Variants in ASB11 observed in about 807,000 individuals in gnomAD.
The protein encoded by ASB11 is ankyrin repeat and SOCS box protein 11.
A neutral mutation model predicts 20.1 loss-of-function variants in ASB11; 17 were observed. The ratio of observed to expected loss-of-function variants is 0.85; its 90% confidence interval spans 0.58 to 1.27. The LOEUF (loss-of-function observed/expected upper bound fraction) is 1.27, where lower values mean the gene tolerates loss of function less well. ASB11 is among the 50% of genes most tolerant of loss of function. The pLI is 0.00. For synonymous variants in ASB11, 107 were observed against 105.6 expected (o/e 1.01, Z -0.08); for missense variants, 259 against 256.9 (o/e 1.01, Z -0.06).
At chrX:15,298,168 TG>T (rs1920986108) in intron 2 of ASB11, among the ~76,000 whole-genome samples, 1 of 111,978 alleles carries the variant, frequency 8.9e-6, no homozygotes, top group South Asian at 3.8e-4. Flanking sequence ...AAAATTAGTT[TG>T]GGAGCATAGG....
intron 3 of ASB11, 59 bp downstream of exon 3, chrX:15,297,515 T>C (rs1418061888): frequency 1.0e-6 from 1 of 963,404 alleles, no homozygotes; most frequent in East Asian, 3.3e-5. Context: ...TAAACTATCA[T>C]TAAACATTAA....
At position 15,313,476 on chromosome X, in the gene ASB11, TAC is replaced by T. The variant is rs747685831; in HGVS notation, c.181+1947_181+1948del. ...GGGTGGGGGGATTCGTGTATATGTA[TAC>T]ACACACACACACACATATACATATA... On this transcript the variant is annotated intron_variant, in intron 1 of 6. Transcript: ENST00000480796. Among the ~76,000 whole-genome samples the T allele has an allele frequency of 5.6e-5, 6 of 106,920 alleles. No homozygotes were observed. In the South Asian group the frequency reaches 1.7e-3, roughly 30 times the overall value. The allele number at this position is 106,920 out of a possible 115,157, so 92.8% of individuals were successfully genotyped here.
At position 15,302,643 on chromosome X, in the gene ASB11, C is replaced by T. The variant is rs368172465; in HGVS notation, c.261+85G>A. 2.9e-4 allele frequency: 288 copies of T among 990,559 alleles called. 2 individuals carry two copies. In the South Asian group the frequency reaches 5.6e-3, roughly 19 times the overall value. 81.6% of individuals were successfully genotyped at this position (990,559 alleles called of 1,213,427 possible). On this transcript the variant is annotated intron_variant, in intron 2 of 6. Transcript: ENST00000480796. The stretch of plus-strand genomic sequence containing the variant: ...ATGGTGGGACCTGGATAGGGTGAGC[C>T]ACACCTCTGCTACAGCCAAAGCTAA...
chrX:15,297,236 C>T (rs183618417), intron 3 of ASB11, among the ~76,000 whole-genome samples: 1 of 111,538 alleles, frequency 9.0e-6, no homozygotes, highest in East Asian at 2.8e-4. Flanking sequence ...TTGCAGTGAG[C>T]GGAGATTGTG....
chrX:15,286,855 T>C (rs902264365), intron 6 of ASB11, among the ~76,000 whole-genome samples: 3 of 111,462 alleles, frequency 2.7e-5, no homozygotes, highest in African/African-American at 9.8e-5. Flanking sequence ...GTGAGCTTGA[T>C]CTATGTTTCA....
chrX:15,292,520 A>C (rs891435402), intron 4 of ASB11, among the ~76,000 whole-genome samples: 3 of 111,558 alleles, frequency 2.7e-5, no homozygotes, highest in African/African-American at 9.8e-5. Flanking sequence ...AAATTCCTTA[A>C]ATTTACTATT....
At chrX:15,299,988 T>C (rs1475793896) in intron 2 of ASB11, among the ~76,000 whole-genome samples, 2 of 112,300 alleles carry the variant, frequency 1.8e-5, no homozygotes, top group African/African-American at 6.5e-5. Flanking sequence ...TTTTGACTCC[T>C]GAATTCTGTC....
At chrX:15,287,714 GC>G (rs1927427683) in intron 6 of ASB11, among the ~76,000 whole-genome samples, 166 bp downstream of exon 6, 1 of 112,804 alleles carries the variant, frequency 8.9e-6, no homozygotes, top group Non-Finnish European at 1.9e-5. Flanking sequence ...AATATACACA[GC>G]ATATAAAATC....
chrX:15,303,426 G>T (rs1339953905), intron 1 of ASB11, among the ~76,000 whole-genome samples: 3 of 112,029 alleles, frequency 2.7e-5, no homozygotes, highest in South Asian at 7.4e-4. Flanking sequence ...AGCCATCCTG[G>T]GCCACGAGTT....
rs1345202656 is a variant in ASB11, at chrX:15,283,609, G to A, written c.868C>T (p.Leu290Phe). The part of the protein sequence containing the change: ...LREGPPALSQ[L>F]CRLCVRKCLG... ...CACTTCCGGACACACAGGCGGCAGA[G>A]CTGGGAAAGAGCAGGTGGGCCTGAG... is the stretch of plus-strand genomic sequence containing the variant. The change falls in exon 7 of 7, where the codon CTC becomes TTC. Residue 290 changes from leucine (L) to phenylalanine (F), a missense_variant. Physicochemically the swap from Leu to Phe is conservative, Grantham distance 22. Coordinates refer to ENST00000480796, the MANE Select transcript of ASB11 (RefSeq NM_080873.3). 33 of 1,207,999 alleles carry A rather than the reference G, an allele frequency of 2.7e-5. No individual in the cohort carries two copies. Among genetic ancestry groups the A allele is most frequent in the Non-Finnish European group, 3.5e-5 (31 of 894,267 alleles).
intron 3 of ASB11, among the ~76,000 whole-genome samples, chrX:15,295,293 A>T (rs1349578876): frequency 1.8e-5 from 2 of 111,700 alleles, no homozygotes; most frequent in Non-Finnish European, 3.8e-5. Flanking sequence ...TACCTGCCTC[A>T]GCCTCCCAAA....
chrX:15,304,819 G>C (rs1285849548), intron 1 of ASB11, among the ~76,000 whole-genome samples: 1 of 111,842 alleles, frequency 8.9e-6, no homozygotes, highest in Non-Finnish European at 1.9e-5. Context: ...AGGTTGCAGT[G>C]AGCTAAGATT....
chrX:15,294,120 T>C (rs1366516361), intron 3 of ASB11, among the ~76,000 whole-genome samples: 4 of 111,766 alleles, frequency 3.6e-5, no homozygotes, highest in African/African-American at 1.3e-4. Flanking sequence ...CAACCATCTT[T>C]GGTACCTTGT....
intron 1 of ASB11, among the ~76,000 whole-genome samples, chrX:15,308,999 C>T (rs1236574005): frequency 9.0e-6 from 1 of 111,647 alleles, no homozygotes; most frequent in South Asian, 3.8e-4. Flanking sequence ...TTACTGCAAC[C>T]TCTGCCTCCC....
chrX:15,291,133 G>A (rs1927520155), intron 4 of ASB11, among the ~76,000 whole-genome samples: 1 of 111,892 alleles, frequency 8.9e-6, no homozygotes, highest in Middle Eastern at 4.7e-3. Context: ...ACTAATACAA[G>A]TGTATAAAAT....
chrX:15,296,288 GA>G (rs1920964406), intron 3 of ASB11, among the ~76,000 whole-genome samples: 1 of 108,571 alleles, frequency 9.2e-6, no homozygotes, highest in Non-Finnish European at 1.9e-5. Context: ...AACAAAAAAA[GA>G]AAATGCACGA....
chrX:15,289,866 A>C, intron 4 of ASB11: 1 of 265,020 alleles, frequency 3.8e-6, no homozygotes, highest in South Asian at 5.0e-5. Flanking sequence ...TCTACTAAAA[A>C]TACAAAAATT....
chrX:15,297,697 A>AAGAG lies in ASB11; in HGVS notation c.262-20_262-17dup. On this transcript the variant is annotated splice_polypyrimidine_tract_variant and intron_variant, in intron 2 of 6. Transcript: ENST00000480796. The stretch of plus-strand genomic sequence containing the variant: ...CATTGACACCCTATAATTTAGAAAG[A>AAGAG]AGAGAGTTTATTTATTTTTTACAGA... 8.4e-7 allele frequency: 1 copy of AAGAG among 1,191,482 alleles called. No individual in the cohort carries two copies. Among genetic ancestry groups the AAGAG allele is most frequent in the South Asian group, 1.8e-5 (1 of 56,413 alleles).
chrX:15,297,161 G>A (rs992947632), intron 3 of ASB11, among the ~76,000 whole-genome samples: 3 of 112,187 alleles, frequency 2.7e-5, no homozygotes, highest in African/African-American at 3.2e-5. Context: ...GCGTGGCGGC[G>A]TGTGCCTGTA....
Sources: gnomAD v4.1 joint callset for allele counts (sites outside exome capture counted in the v4.1 genomes callset) on GRCh38, gnomAD v4.1.1 for gene constraint, MANE v1.5 for transcripts, NCBI Gene and HGNC (gene_info 2026-07-23, HGNC 2026-07-21) for gene names.